Variants in ABHD2 observed in about 807,000 individuals in gnomAD.
ABHD2 encodes the protein monoacylglycerol lipase ABHD2.
A neutral mutation model predicts 48.1 loss-of-function variants in ABHD2; 20 were observed. The ratio of observed to expected loss-of-function variants is 0.42; its 90% CI spans 0.29 to 0.60. ABHD2 has a LOEUF of 0.60. Among genes scored for constraint, ABHD2 ranks in the 20% least tolerant of loss-of-function variants. The pLI is 0.24. For synonymous variants in ABHD2, 209 were observed against 214.2 expected (o/e 0.98, Z 0.21); for missense variants, 405 against 550.9 (o/e 0.74, Z 2.65).
the ABHD2 span, among the ~76,000 whole-genome samples, chr15:89,044,388 G>A: frequency 2.0e-5 from 3 of 152,158 alleles, no homozygotes; most frequent in Admixed American, 6.6e-5. Flanking sequence ...CTTTATAGCA[G>A]CATGATTTAT....
At chr15:89,115,692 T>G (rs2049948929) in intron 2 of ABHD2, among the ~76,000 whole-genome samples, 3 of 151,992 alleles carry the variant, frequency 2.0e-5, no homozygotes, top group Non-Finnish European at 4.4e-5. Flanking sequence ...CTGGGCTGAG[T>G]CTGACCCAGA....
chr15:89,132,695 A>G (rs2050239364), intron 3 of ABHD2, among the ~76,000 whole-genome samples: 1 of 152,208 alleles, frequency 6.6e-6, no homozygotes, highest in Non-Finnish European at 1.5e-5. Flanking sequence ...GTTCATTCCT[A>G]ATAATAAGCA....
rs1032475921 is a variant in ABHD2, at chr15:89,104,141, G to A, written c.-106-9584G>A. ...ACCTTCTCTTGGTCTTGGAGGGCAA[G>A]GATCACAGAGCTTTTTCTGCTGTCT... On this transcript the variant is annotated intron_variant, in intron 1 of 10. Transcript: ENST00000352732. This position sits in a 1 kb window ranked among gnomAD's most constrained non-coding sequence, Gnocchi z 4.4. 1.3e-5 allele frequency: 2 copies of A among 152,260 alleles called. No homozygotes were observed. Among genetic ancestry groups the A allele is most frequent in the Non-Finnish European group, 2.9e-5 (2 of 68,062 alleles). 9.4% of individuals were successfully genotyped at this position (152,260 alleles called of 1,614,324 possible).
chr15:89,161,837 A>G (rs1216901906), intron 5 of ABHD2, among the ~76,000 whole-genome samples: 1 of 152,228 alleles, frequency 6.6e-6, no homozygotes, highest in African/African-American at 2.4e-5. Flanking sequence ...CAAATACCAC[A>G]GTGGGCGTGG....
At chr15:89,183,384 A>AATATATATATATATATAT (rs1555433648) in intron 6 of ABHD2, 1 of 46,266 alleles carries the variant, frequency 2.2e-5, no homozygotes, top group Non-Finnish European at 4.2e-5. Flanking sequence ...AAAAAAAAAA[A>AATATATATATATATATAT]ATATATATAT....
At chr15:89,043,642 G>GGGA in the ABHD2 span, among the ~76,000 whole-genome samples, 1 of 129,464 alleles carries the variant, frequency 7.7e-6, no homozygotes, top group Admixed American at 7.8e-5. Context: ...AGGAGGAGGA[G>GGGA]GAAGGAGAAG....
intron 6 of ABHD2, among the ~76,000 whole-genome samples, chr15:89,178,263 G>C (rs1285204679): frequency 6.6e-6 from 1 of 152,192 alleles, no homozygotes; most frequent in Non-Finnish European, 1.5e-5. Flanking sequence ...CAAGGCTCAG[G>C]TACCCTCAAC....
At chr15:89,191,245 C>G in intron 9 of ABHD2, 96 bp downstream of exon 9, 1 of 1,271,622 alleles carries the variant, frequency 7.9e-7, no homozygotes, top group Non-Finnish European at 1.1e-6. Context: ...GGTGGAAGCT[C>G]AGCTGGAATC....
At chr15:89,163,063 T>C (rs1250176451) in intron 5 of ABHD2, among the ~76,000 whole-genome samples, 1 of 152,260 alleles carries the variant, frequency 6.6e-6, no homozygotes, top group African/African-American at 2.4e-5. Flanking sequence ...TTTGAGCAGA[T>C]GCCAGGCATT....
chr15:89,135,148 T>TTTTC lies in ABHD2; in HGVS notation c.195-16526_195-16525insCTTT, dbSNP rs1567083929. 8.0e-3 allele frequency among the ~76,000 whole-genome samples: 14 copies of TTTTC among 1,750 alleles called. 1 individual carries two copies. The highest frequency in any genetic ancestry group is 0.015 in the African/African-American group (6 of 394). 1.1% of individuals were successfully genotyped at this position (1,750 alleles called of 152,430 possible). A position where few individuals can be genotyped will look rare whatever the true frequency, so the allele number is the denominator to read the frequency against. ...CAAAATGGCTACAACTTTTTCTTTT[T>TTTTC]TTTTTTTTTTTTTGCAATTACAGAG... On this transcript the variant is annotated intron_variant, in intron 3 of 10. Transcript: ENST00000352732.
chr15:89,171,610 G>A (rs1452690507), intron 5 of ABHD2, among the ~76,000 whole-genome samples: 1 of 152,162 alleles, frequency 6.6e-6, no homozygotes, highest in African/African-American at 2.4e-5. Flanking sequence ...ACCTTGCTTT[G>A]AGGAAATGTT....
intron 3 of ABHD2, among the ~76,000 whole-genome samples, chr15:89,145,798 A>G (rs74762162): frequency 0.061 from 9,214 of 152,218 alleles, 977 homozygotes; most frequent in African/African-American, 0.21. Flanking sequence ...CACTGGTACT[A>G]ATGGTGTAAA....
At chr15:89,123,969 A>G (rs1270245697) in intron 3 of ABHD2, among the ~76,000 whole-genome samples, 2 of 151,482 alleles carry the variant, frequency 1.3e-5, no homozygotes, top group East Asian at 1.9e-4. Flanking sequence ...AACAGTACCA[A>G]CTCCCTCTCT....
the ABHD2 span, among the ~76,000 whole-genome samples, chr15:89,076,283 A>G: frequency 6.6e-6 from 1 of 152,316 alleles, no homozygotes; most frequent in East Asian, 1.9e-4. Flanking sequence ...TTCAGCAATG[A>G]TCAATCCATG....
chr15:89,047,785 G>A, the ABHD2 span, among the ~76,000 whole-genome samples: 2 of 147,520 alleles, frequency 1.4e-5, no homozygotes, highest in East Asian at 3.9e-4. Flanking sequence ...TTGAGCCTAT[G>A]TGTGTCTCTG....
Position 89,200,934 on chromosome 15 carries a change from T to G in ABHD2, c.*5511T>G, listed in dbSNP as rs79907874. 14 of 446,952 alleles carry G rather than the reference T, an allele frequency of 3.1e-5. No homozygotes were observed. In the South Asian group the frequency reaches 3.4e-4, roughly 11 times the overall value. 27.7% of individuals were successfully genotyped at this position (446,952 alleles called of 1,614,324 possible). On this transcript the variant is annotated 3_prime_UTR_variant, in exon 11 of 11. Transcript: ENST00000352732. ...CCTTCTCTACTAAAAATGCAAAAAT[T>G]AGCTGGGTGTGGTGGCGGGCGCCTG...
intron 3 of ABHD2, among the ~76,000 whole-genome samples, chr15:89,135,086 A>G (rs1296547695): frequency 6.7e-6 from 1 of 150,136 alleles, no homozygotes; most frequent in African/African-American, 2.4e-5. Flanking sequence ...ATTTTTAATA[A>G]AAAATTGTAT....
the ABHD2 span, among the ~76,000 whole-genome samples, chr15:89,055,389 C>T: frequency 6.8e-6 from 1 of 146,350 alleles, no homozygotes; most frequent in Non-Finnish European, 1.5e-5. Context: ...TGCAGTGGCA[C>T]GATCTCATCT....
chr15:89,074,375 GA>G, the ABHD2 span, among the ~76,000 whole-genome samples: 499 of 138,602 alleles, frequency 3.6e-3, no homozygotes, highest in African/African-American at 9.9e-3. Flanking sequence ...AACTCCATCT[GA>G]AAAAAAAAAA....
Sources: gnomAD v4.1 joint callset for allele counts (sites outside exome capture counted in the v4.1 genomes callset) on GRCh38, gnomAD v4.1.1 for gene constraint, Gnocchi (gnomAD v3.1) non-coding constraint, MANE v1.5 for transcripts, NCBI Gene and HGNC (gene_info 2026-07-23, HGNC 2026-07-21) for gene names.